Variants in COL21A1 observed in about 807,000 individuals in gnomAD.
COL21A1 encodes the protein collagen alpha-1(XXI) chain.
A neutral mutation model predicts 137.9 loss-of-function variants in COL21A1; 149 were observed. The ratio of observed to expected loss-of-function variants is 1.08; its 90% CI spans 0.95 to 1.24. The LOEUF (loss-of-function observed/expected upper bound fraction) is 1.24. Among genes scored for constraint, COL21A1 ranks in the 50% most tolerant of loss-of-function variants. The pLI is 0.00. For missense variants in COL21A1, 1,167 were observed against 1,158.4 expected (o/e 1.01, Z -0.11); for synonymous variants, 456 against 391.5 (o/e 1.16, Z -1.95).
intron 1 of COL21A1, among the ~76,000 whole-genome samples, chr6:56,337,372 T>C (rs970908015): frequency 2.0e-5 from 3 of 152,240 alleles, no homozygotes; most frequent in Non-Finnish European, 4.4e-5. Flanking sequence ...TATATTCCTC[T>C]GAGAATAAAT....
chr6:56,150,666 G>A (rs1775251766), intron 10 of COL21A1, among the ~76,000 whole-genome samples: 1 of 152,014 alleles, frequency 6.6e-6, no homozygotes, highest in Non-Finnish European at 1.5e-5. Flanking sequence ...CTCACTTCCT[G>A]AGCCCACTAA....
At chr6:56,199,743 C>G (rs1259149964) in intron 1 of COL21A1, among the ~76,000 whole-genome samples, 1 of 152,142 alleles carries the variant, frequency 6.6e-6, no homozygotes, top group East Asian at 1.9e-4. Flanking sequence ...GCAACAGACT[C>G]AAAAACCAAG....
At chr6:56,084,652 G>C (rs1768074419) in intron 17 of COL21A1, among the ~76,000 whole-genome samples, 1 of 152,048 alleles carries the variant, frequency 6.6e-6, no homozygotes, top group Non-Finnish European at 1.5e-5. Context: ...CAAATGAAAA[G>C]TTGGCCCACA....
chr6:56,239,893 C>T (rs1206675390), intron 1 of COL21A1, among the ~76,000 whole-genome samples: 1 of 152,126 alleles, frequency 6.6e-6, no homozygotes, highest in Non-Finnish European at 1.5e-5. Context: ...CTGTGTCCCA[C>T]CCAAATCTCA....
At chr6:56,279,558 A>G (rs866790171) in intron 1 of COL21A1, among the ~76,000 whole-genome samples, 18 of 152,120 alleles carry the variant, frequency 1.2e-4, no homozygotes, top group African/African-American at 4.1e-4. Flanking sequence ...ATTCCATTCC[A>G]ATTGTCAGAT....
chr6:56,184,019 A>C (rs975401611), intron 1 of COL21A1, among the ~76,000 whole-genome samples: 1 of 152,204 alleles, frequency 6.6e-6, no homozygotes, highest in East Asian at 1.9e-4. Context: ...AAAACATGAT[A>C]AAAGGAATAG....
intron 10 of COL21A1, among the ~76,000 whole-genome samples, chr6:56,153,813 C>T (rs1273805581): frequency 6.6e-6 from 1 of 152,176 alleles, no homozygotes; most frequent in Non-Finnish European, 1.5e-5. Context: ...AATTCCTGGG[C>T]TGGACCCACT....
intron 1 of COL21A1, among the ~76,000 whole-genome samples, chr6:56,211,657 T>A (rs1780184283): frequency 6.6e-6 from 1 of 152,074 alleles, no homozygotes; most frequent in African/African-American, 2.4e-5. Flanking sequence ...GAGAGGAAGA[T>A]GTCACTCGAA....
At chr6:56,390,465 C>A (rs2094027042) in intron 1 of COL21A1, among the ~76,000 whole-genome samples, 1 of 147,490 alleles carries the variant, frequency 6.8e-6, no homozygotes, top group South Asian at 2.2e-4. Flanking sequence ...GGACTAAATC[C>A]CTTAATCAAA....
intron 1 of COL21A1, among the ~76,000 whole-genome samples, chr6:56,313,038 A>G (rs1030548490): frequency 2.0e-5 from 3 of 152,156 alleles, no homozygotes; most frequent in Non-Finnish European, 4.4e-5. Context: ...GTGACTACTT[A>G]TCCATGCTTG....
intron 1 of COL21A1, among the ~76,000 whole-genome samples, chr6:56,352,577 A>G (rs1026966947): frequency 2.0e-5 from 3 of 152,112 alleles, no homozygotes; most frequent in Admixed American, 1.3e-4. Flanking sequence ...AGAAGGGGAG[A>G]TTAAATGAAA....
At chr6:56,155,125 T>G (rs1049583986) in intron 10 of COL21A1, among the ~76,000 whole-genome samples, 4 of 152,306 alleles carry the variant, frequency 2.6e-5, no homozygotes, top group Non-Finnish European at 5.9e-5. Flanking sequence ...TGCGTCCATA[T>G]GTTTTCATGA....
intron 16 of COL21A1, among the ~76,000 whole-genome samples, chr6:56,103,186 T>G (rs2152171422): frequency 6.6e-6 from 1 of 152,262 alleles, no homozygotes; most frequent in Admixed American, 6.5e-5. Flanking sequence ...GAATATAAAA[T>G]TTCAGGCCAT....
chr6:56,075,432 C>T, intron 19 of COL21A1, 47 bp downstream of exon 19: 1 of 1,461,418 alleles, frequency 6.8e-7, no homozygotes. Context: ...TAGGTAGTAG[C>T]AACACTGCAA....
intron 1 of COL21A1, among the ~76,000 whole-genome samples, chr6:56,346,490 A>G (rs574909977): frequency 1.3e-5 from 2 of 152,300 alleles, no homozygotes; most frequent in South Asian, 4.1e-4. Context: ...AGTACTGAGA[A>G]ATTATTTGGC....
intron 10 of COL21A1, among the ~76,000 whole-genome samples, chr6:56,150,548 AC>A (rs1561920223): frequency 3.8e-4 from 58 of 151,630 alleles, no homozygotes; most frequent in East Asian, 7.8e-4. Context: ...ACACACACAC[AC>A]ACACACACAC....
chr6:56,280,151 T>C (rs1282600099), intron 1 of COL21A1, among the ~76,000 whole-genome samples: 1 of 152,244 alleles, frequency 6.6e-6, no homozygotes, highest in African/African-American at 2.4e-5. Context: ...TGAATATTTA[T>C]TGTGTTCAGT....
intron 1 of COL21A1, among the ~76,000 whole-genome samples, chr6:56,275,608 T>A (rs895564180): frequency 6.6e-6 from 1 of 151,928 alleles, no homozygotes; most frequent in Non-Finnish European, 1.5e-5. Flanking sequence ...AAGAACCATA[T>A]GAAAAAAAGA....
chr6:56,296,473 T>A (rs917028046), intron 1 of COL21A1, among the ~76,000 whole-genome samples: 25 of 152,022 alleles, frequency 1.6e-4, no homozygotes, highest in African/African-American at 6.0e-4. Context: ...AATTACCTCA[T>A]ATCTATAATG....
Sources: gnomAD v4.1 joint callset for allele counts (sites outside exome capture counted in the v4.1 genomes callset) on GRCh38, gnomAD v4.1.1 for gene constraint, MANE v1.5 for transcripts, NCBI Gene and HGNC (gene_info 2026-07-23, HGNC 2026-07-21) for gene names.